Variants in MASP1 observed in about 807,000 individuals in gnomAD.
MASP1 encodes the protein MBL associated serine protease 1, also known as mannan-binding lectin serine protease 1.
Under a neutral mutation model 77.1 loss-of-function variants are expected in MASP1, and 59 were observed. The observed-to-expected ratio is 0.77, with a 90% CI of 0.62 to 0.95. The LOEUF (loss-of-function observed/expected upper bound fraction) is 0.95. MASP1 is among the 40% of genes least tolerant of loss of function. MASP1 has a pLI of 0.00. For missense variants in MASP1, 885 were observed against 912.9 expected (o/e 0.97, Z 0.39); for synonymous variants, 362 against 354.5 (o/e 1.02, Z -0.24).
chr3:187,257,217 C>T (rs1372087420), intron 4 of MASP1, among the ~76,000 whole-genome samples: 2 of 152,020 alleles, frequency 1.3e-5, no homozygotes, highest in East Asian at 1.9e-4. Flanking sequence ...CCTCCCTGTA[C>T]CCAGAACTTC....
chr3:187,247,277 AGGGGTCTT>A, intron 8 of MASP1: 1 of 1,613,826 alleles, frequency 6.2e-7, no homozygotes, highest in Non-Finnish European at 8.5e-7. Flanking sequence ...TCTGGGCCCC[AGGGGTCTT>A]GGGAGTGATC....
intron 2 of MASP1, among the ~76,000 whole-genome samples, chr3:187,272,822 A>G (rs1716632971): frequency 1.3e-5 from 2 of 152,232 alleles, no homozygotes; most frequent in Non-Finnish European, 2.9e-5. Context: ...TGTTGTTAAG[A>G]AATTTAACAA....
At position 187,220,492 on chromosome 3, in the gene MASP1, C is replaced by CTTTTTT. The variant is rs747532550; in HGVS notation, c.1910-232_1910-231insAAAAAA. Among the ~76,000 whole-genome samples, 8 of 134,564 alleles carry CTTTTTT rather than the reference C, an allele frequency of 5.9e-5. 1 individual carries two copies. The highest frequency in any genetic ancestry group is 6.2e-5 in the Non-Finnish European group (4 of 64,746). The allele number at this position is 134,564 out of a possible 152,430, so 88.3% of individuals were successfully genotyped here. ...TTCTTTTCTTTTCTTTTTCTTTTTT[C>CTTTTTT]TTTCTTTTTTTTTTTTTTTTTGAGA... is the stretch of plus-strand genomic sequence containing the variant. On this transcript the variant is annotated intron_variant, in intron 15 of 15. Coordinates refer to the MASP1 transcript ENST00000337774.
At chr3:187,279,162 C>T (rs1486749570) in intron 2 of MASP1, among the ~76,000 whole-genome samples, 2 of 152,198 alleles carry the variant, frequency 1.3e-5, no homozygotes, top group African/African-American at 4.8e-5. Flanking sequence ...TCCTGAAATA[C>T]GTGTCTTTCT....
chr3:187,229,949 G>T (rs766946046), downstream of MASP1: 1 of 1,607,326 alleles, frequency 6.2e-7, no homozygotes, highest in Non-Finnish European at 8.5e-7. Context: ...GCTCCATCTT[G>T]CCCACTGCCA....
At chr3:187,219,278 G>GGGA (rs1711901925) in exon 16 of MASP1, 1 of 152,218 alleles carries the variant, frequency 6.6e-6, no homozygotes, top group Non-Finnish European at 1.5e-5. Flanking sequence ...TTTGAGATGA[G>GGGA]GGAGGAGGAC....
rs750039188 is a variant in MASP1, at chr3:187,260,891, C to G, written c.416-19G>C. ...TCCACATCTGTAGGGCAGGTAAAGC[C>G]TCTCCATCAATACATGCATGATGAT... is the stretch of plus-strand genomic sequence containing the variant. On this transcript the variant is annotated intron_variant, in intron 3 of 10. Coordinates refer to ENST00000296280, the MANE Select transcript of MASP1 (RefSeq NM_139125.4). 6.2e-6 allele frequency: 10 copies of G among 1,613,894 alleles called. No homozygotes were observed. Among genetic ancestry groups the G allele is most frequent in the Non-Finnish European group, 8.5e-6 (10 of 1,179,936 alleles).
intron 5 of MASP1, among the ~76,000 whole-genome samples, chr3:187,254,585 C>T (rs547825125): frequency 2.6e-4 from 39 of 152,096 alleles, no homozygotes; most frequent in African/African-American, 8.9e-4. Flanking sequence ...CAAACTCGAT[C>T]GAATCTAGCT....
chr3:187,226,391 CCCCT>C (rs2108503556), intron 12 of MASP1: 1 of 1,572,836 alleles, frequency 6.4e-7, no homozygotes, highest in Admixed American at 1.7e-5. Context: ...AGTCAGCTTG[CCCCT>C]CACTCACTCA....
At chr3:187,232,619 G>A (rs540785313), downstream of MASP1, among the ~76,000 whole-genome samples, 1 of 152,240 alleles carries the variant, frequency 6.6e-6, no homozygotes, top group East Asian at 1.9e-4. Context: ...CAGTCGCTGA[G>A]CTGCTGGTAA....
rs539527213 is a variant in MASP1 at position 187,234,237 on chromosome 3, G to A, written c.*1447C>T. ...TCATAGACAAAGGAGTGTGTTTGATGAGCCGGTTGAGAAAGTGGACACTTC... is the reference window on the plus strand; with the variant it reads ...TCATAGACAAAGGAGTGTGTTTGATAAGCCGGTTGAGAAAGTGGACACTTC... On this transcript the variant is annotated 3_prime_UTR_variant, in exon 11 of 11. Transcript: ENST00000296280. 7.5e-5 allele frequency: 97 copies of A among 1,287,238 alleles called. No homozygotes were observed. The African/African-American group carries it at 1.4e-3, about 19-fold the overall frequency. 79.7% of individuals were successfully genotyped at this position (1,287,238 alleles called of 1,614,324 possible). A position where few individuals can be genotyped will look rare whatever the true frequency, so the allele number is the denominator to read the frequency against.
At chr3:187,256,081 T>C (rs1228943756) in intron 5 of MASP1, among the ~76,000 whole-genome samples, 1 of 152,146 alleles carries the variant, frequency 6.6e-6, no homozygotes, top group Non-Finnish European at 1.5e-5. Flanking sequence ...TCCTTCTTAA[T>C]TATAATATTG....
chr3:187,226,497 C>A (rs751292648), exon 12 of MASP1: 7 of 1,611,172 alleles, frequency 4.3e-6, no homozygotes, highest in South Asian at 2.2e-5. Context: ...AGGCAGTGTG[C>A]GGCGGTCACG....
Position 187,236,440 on chromosome 3 carries a change from A to G in MASP1, c.1431T>C (p.Asn477=). Residue 477 remains asparagine, a synonymous_variant, in exon 11 of 11, where the codon AAT becomes AAC. Transcript: ENST00000296280. ...GGGCCCCACTCCCAAACCACTTGTC[A>G]TTTGGCACTCTCGAAGTGTCCTCCA... ...IVVEDTSRVP[N]DKWFGSGALL... 1 of 1,614,124 alleles carries G rather than the reference A, an allele frequency of 6.2e-7. No individual in the cohort carries two copies. The highest frequency in any genetic ancestry group is 8.5e-7 in the Non-Finnish European group (1 of 1,180,012).
intron 2 of MASP1, among the ~76,000 whole-genome samples, chr3:187,284,736 A>T (rs1008774413): frequency 6.6e-6 from 1 of 152,206 alleles, no homozygotes; most frequent in Admixed American, 6.5e-5. Flanking sequence ...TCCATCACTT[A>T]CCAGATGTAC....
rs1312053418 is a variant in MASP1, at chr3:187,234,568, G to A, written c.*1116C>T. 2 of 1,287,268 alleles carry A rather than the reference G, an allele frequency of 1.6e-6. No individual in the cohort carries two copies. Among genetic ancestry groups the A allele is most frequent in the South Asian group, 2.5e-5 (2 of 80,942 alleles). 79.7% of individuals were successfully genotyped at this position (1,287,268 alleles called of 1,614,324 possible). On this transcript the variant is annotated 3_prime_UTR_variant, in exon 11 of 11. Transcript: ENST00000296280. ...GCTCTTTTCACTGCCTGCCATGGGT[G>A]AGCCTCTGATTCCTTTGACTCTGAA...
chr3:187,267,604 C>A (rs1252453421), intron 2 of MASP1, among the ~76,000 whole-genome samples: 1 of 152,234 alleles, frequency 6.6e-6, no homozygotes, highest in Non-Finnish European at 1.5e-5. Flanking sequence ...CTACTCTGCA[C>A]CCGGCTCTTT....
At chr3:187,279,415 G>T (rs1251934291) in intron 2 of MASP1, among the ~76,000 whole-genome samples, 2 of 152,088 alleles carry the variant, frequency 1.3e-5, no homozygotes, top group African/African-American at 4.8e-5. Flanking sequence ...TGGAAATGCA[G>T]ATTGTTGTGT....
chr3:187,247,535 G>A, intron 8 of MASP1: 1 of 885,100 alleles, frequency 1.1e-6, no homozygotes, highest in Non-Finnish European at 1.8e-6. Context: ...GATTAAGAAT[G>A]CATAGTTTAG....
Sources: allele counts gnomAD v4.1 joint callset (sites outside exome capture counted in the v4.1 genomes callset), GRCh38; gene constraint gnomAD v4.1.1; transcripts MANE v1.5; gene names NCBI Gene and HGNC (gene_info 2026-07-23, HGNC 2026-07-21).